PARD3B: variants seen among roughly 807,000 people sequenced by gnomAD.
PARD3B encodes the protein partitioning defective 3 homolog B.
PARD3B carries 103 observed loss-of-function variants against 130.2 expected under a neutral mutation model. The ratio of observed to expected loss-of-function variants is 0.79; its 90% confidence interval spans 0.67 to 0.93. The LOEUF (loss-of-function observed/expected upper bound fraction) is 0.93, where lower values mean the gene tolerates loss of function less well. Among genes scored for constraint, PARD3B ranks in the 40% least tolerant of loss-of-function variants. The probability of loss-of-function intolerance (pLI) is 0.00; values close to 1 mark genes in which losing one functional copy is unlikely to be tolerated. For missense variants in PARD3B, 1,609 were observed against 1,499.2 expected (o/e 1.07, Z -1.21); for synonymous variants, 583 against 553.2 (o/e 1.05, Z -0.76).
At chr2:205,345,259 G>A (rs898018476) in intron 18 of PARD3B, among the ~76,000 whole-genome samples, 1 of 152,164 alleles carries the variant, frequency 6.6e-6, no homozygotes, top group Non-Finnish European at 1.5e-5. Context: ...CAGCCTTGGG[G>A]AAATATGATT....
intron 4 of PARD3B, among the ~76,000 whole-genome samples, chr2:205,089,936 C>A (rs1157295564): frequency 6.6e-6 from 1 of 152,142 alleles, no homozygotes; most frequent in African/African-American, 2.4e-5. Flanking sequence ...GTTGCCATTC[C>A]TTCTGAAGAG....
chr2:205,367,759 C>T (rs2044663470), intron 18 of PARD3B, among the ~76,000 whole-genome samples: 4 of 152,136 alleles, frequency 2.6e-5, no homozygotes, highest in Admixed American at 2.6e-4. Context: ...TTAAGAAACC[C>T]AGAGTTTCTC....
At chr2:204,624,747 C>A (rs1055947788) in intron 1 of PARD3B, among the ~76,000 whole-genome samples, 1 of 152,046 alleles carries the variant, frequency 6.6e-6, no homozygotes, top group East Asian at 1.9e-4. Context: ...GAGATAAAGG[C>A]CCAGGGATGT....
rs2038731968 is a variant in PARD3B, at chr2:205,229,651, T to C, written c.2141-16127T>C. Among the ~76,000 whole-genome samples, 1 of 152,114 alleles carries C rather than the reference T, an allele frequency of 6.6e-6. No homozygotes were observed. The highest frequency in any genetic ancestry group is 2.4e-5 in the African/African-American group (1 of 41,438). The stretch of plus-strand genomic sequence containing the variant: ...ACTGGGTCTCTCCCTAGGCTCACAG[T>C]AACCACTGCCTGGCTACCACCTACA... On this transcript the variant is annotated intron_variant, in intron 15 of 22. Coordinates refer to ENST00000406610, the MANE Select transcript of PARD3B (RefSeq NM_001302769.2). The surrounding 1 kb of genome is among the most constrained non-coding windows in gnomAD (Gnocchi z 5.2).
chr2:204,942,314 AT>A (rs1327922437), intron 2 of PARD3B, among the ~76,000 whole-genome samples: 6 of 152,000 alleles, frequency 3.9e-5, no homozygotes, highest in Non-Finnish European at 8.8e-5. Context: ...AAGTCAAAAT[AT>A]TTTTTTCTTT....
rs768407817 is a variant in PARD3B, at chr2:205,575,151, GTA to G, written c.3260+21758_3260+21759del. Among the ~76,000 whole-genome samples the G allele has an allele frequency of 2.7e-5, 4 of 149,416 alleles. No individual in the cohort carries two copies. Among genetic ancestry groups the G allele is most frequent in the African/African-American group, 9.9e-5 (4 of 40,400 alleles). On this transcript the variant is annotated intron_variant, in intron 22 of 22. Transcript: ENST00000406610. The surrounding 1 kb of genome is among the most constrained non-coding windows in gnomAD (Gnocchi z 4.6). ...ATATAAAAATATATTTTCATGTAAG[GTA>G]TATATATATTATACACACACATATA...
intron 1 of PARD3B, among the ~76,000 whole-genome samples, chr2:204,620,873 G>C (rs975500586): frequency 6.6e-6 from 1 of 152,102 alleles, no homozygotes; most frequent in African/African-American, 2.4e-5. Flanking sequence ...TGAAGAAGTT[G>C]CGTCCGTTAT....
intron 4 of PARD3B, among the ~76,000 whole-genome samples, chr2:205,076,449 C>T (rs1365653138): frequency 2.0e-5 from 3 of 152,088 alleles, no homozygotes; most frequent in Non-Finnish European, 4.4e-5. Flanking sequence ...TGTTAACATA[C>T]TTCAGGTTCA....
chr2:205,255,867 C>T (rs567684957), intron 16 of PARD3B, among the ~76,000 whole-genome samples: 2 of 152,002 alleles, frequency 1.3e-5, no homozygotes, highest in Non-Finnish European at 1.5e-5. Flanking sequence ...TGGAGGCTTC[C>T]GTAAGTAGGT....
Position 205,022,681 on chromosome 2 carries a change from C to A in PARD3B, c.395-24900C>A, listed in dbSNP as rs1696707370. On this transcript the variant is annotated intron_variant, in intron 3 of 22. Coordinates refer to ENST00000406610, the MANE Select transcript of PARD3B (RefSeq NM_001302769.2). ...CCAGTGTTTTGCCTGCAGCTGATCT[C>A]AAGAATTAGGTGAAAGTTTCACTAT... 2.0e-5 allele frequency among the ~76,000 whole-genome samples: 3 copies of A among 152,150 alleles called. 1 individual carries two copies. Among genetic ancestry groups the A allele is most frequent in the Admixed American group, 2.0e-4 (3 of 15,268 alleles).
At position 204,900,930 on chromosome 2, in the gene PARD3B, A is replaced by C. The variant is rs542582019; in HGVS notation, c.223-64222A>C. ...ATCTGGAAGAGTTCTGTGGATTACC[A>C]GGCAGGGACTCTTTCTCTTCCCTTA... On this transcript the variant is annotated intron_variant, in intron 2 of 22. Transcript: ENST00000406610. Among the ~76,000 whole-genome samples the C allele has an allele frequency of 1.2e-4, 18 of 152,274 alleles. No individual in the cohort carries two copies. The East Asian group carries it at 3.1e-3, about 26-fold the overall frequency.
intron 2 of PARD3B, among the ~76,000 whole-genome samples, chr2:204,921,881 T>C (rs1407571505): frequency 6.6e-6 from 1 of 152,014 alleles, no homozygotes; most frequent in Admixed American, 6.6e-5. Context: ...GTACAAAAGG[T>C]GTGACAGATG....
At position 205,291,603 on chromosome 2, in the gene PARD3B, C is replaced by T. The variant is rs558182889; in HGVS notation, c.2186-8927C>T. Among the ~76,000 whole-genome samples, 5 of 152,232 alleles carry T rather than the reference C, an allele frequency of 3.3e-5. No homozygotes were observed. In the East Asian group the frequency reaches 9.6e-4, roughly 29 times the overall value. The stretch of plus-strand genomic sequence containing the variant: ...TCTGATTTCTCTAAAATCCAGATAG[C>T]GTATTTAATTAATGTAATTGTAGAT... On this transcript the variant is annotated intron_variant, in intron 16 of 22. Coordinates refer to ENST00000406610, the MANE Select transcript of PARD3B (RefSeq NM_001302769.2). This position sits in a 1 kb window ranked among gnomAD's most constrained non-coding sequence, Gnocchi z 4.6.
Position 205,125,013 on chromosome 2 carries a change from CT to C in PARD3B, c.1305+549del, listed in dbSNP as rs1230540530. Among the ~76,000 whole-genome samples the C allele has an allele frequency of 6.6e-6, 1 of 152,136 alleles. No individual in the cohort carries two copies. Among genetic ancestry groups the C allele is most frequent in the East Asian group, 1.9e-4 (1 of 5,190 alleles). ...TATTTTTGTCTGAGGACATTATCGT[CT>C]TGATAATTATATATTGTCCATTTAC... On this transcript the variant is annotated intron_variant, in intron 9 of 22. Transcript: ENST00000406610. This position sits in a 1 kb window ranked among gnomAD's most constrained non-coding sequence, Gnocchi z 4.0.
At chr2:204,983,880 T>C (rs1289043859) in intron 3 of PARD3B, among the ~76,000 whole-genome samples, 1 of 152,148 alleles carries the variant, frequency 6.6e-6, no homozygotes. Flanking sequence ...TCTAACCCCT[T>C]CTTTGGGTCT....
chr2:205,455,087 A>C (rs914965992), intron 20 of PARD3B, among the ~76,000 whole-genome samples: 1 of 152,152 alleles, frequency 6.6e-6, no homozygotes, highest in Non-Finnish European at 1.5e-5. Flanking sequence ...ACAGCTTAGC[A>C]GTTAAGGCCA....
At chr2:204,733,919 A>C (rs1219486780) in intron 2 of PARD3B, among the ~76,000 whole-genome samples, 1 of 152,180 alleles carries the variant, frequency 6.6e-6, no homozygotes, top group East Asian at 1.9e-4. Context: ...TTGTTATTGC[A>C]ATTGTAGCTT....
intron 2 of PARD3B, among the ~76,000 whole-genome samples, chr2:204,687,352 A>C (rs2037137169): frequency 6.6e-6 from 1 of 152,104 alleles, no homozygotes; most frequent in Admixed American, 6.6e-5. Flanking sequence ...CTATTTAGGG[A>C]GATAACTAAC....
intron 2 of PARD3B, among the ~76,000 whole-genome samples, chr2:204,937,650 C>T (rs1399164036): frequency 3.9e-5 from 6 of 152,254 alleles, no homozygotes; most frequent in Admixed American, 2.6e-4. Context: ...TATGTGTCAG[C>T]GCCACTACAG....
Sources: allele counts gnomAD v4.1 joint callset (sites outside exome capture counted in the v4.1 genomes callset), GRCh38; gene constraint gnomAD v4.1.1; non-coding constraint Gnocchi (gnomAD v3.1); transcripts MANE v1.5; gene names NCBI Gene and HGNC (gene_info 2026-07-23, HGNC 2026-07-21).